FERRY3: variants seen among roughly 807,000 people sequenced by gnomAD.
FERRY3 encodes the protein protein C12orf4.
the FERRY3 span, among the ~76,000 whole-genome samples, chr12:4,529,114 C>T: frequency 6.6e-6 from 1 of 152,038 alleles, no homozygotes; most frequent in Non-Finnish European, 1.5e-5. Context: ...ATTCCTATCA[C>T]AATTTATATA....
the FERRY3 span, among the ~76,000 whole-genome samples, chr12:4,526,841 C>CAA: frequency 3.6e-5 from 4 of 109,776 alleles, no homozygotes; most frequent in Admixed American, 9.8e-5. Flanking sequence ...GACTCCATCT[C>CAA]AAAAAAAAAA....
chr12:4,500,094 G>A, the FERRY3 span: 1 of 1,535,920 alleles, frequency 6.5e-7, no homozygotes, highest in Non-Finnish European at 9.0e-7. Flanking sequence ...TCAATATTAT[G>A]ATTATGTAAA....
At chr12:4,519,019 CAAGT>C in the FERRY3 span, 1 of 507,490 alleles carries the variant, frequency 2.0e-6, no homozygotes, top group East Asian at 3.4e-5. This position sits in a 1 kb window ranked among gnomAD's most constrained non-coding sequence, Gnocchi z 4.3. Context: ...TCCATGGTGA[CAAGT>C]AAGACAGGTA....
At chr12:4,497,421 CAT>C in the FERRY3 span, among the ~76,000 whole-genome samples, 11 of 152,106 alleles carry the variant, frequency 7.2e-5, no homozygotes, top group African/African-American at 2.7e-4. Flanking sequence ...TCATCATCTG[CAT>C]ATATGTTATA....
At chr12:4,489,876 ATAAAACATTTCTTCAGAAAT>A in the FERRY3 span, 1 of 1,609,280 alleles carries the variant, frequency 6.2e-7, no homozygotes, top group Non-Finnish European at 8.5e-7. Flanking sequence ...TACTAAGTTG[ATAAAACATTTCTTCAGAAAT>A]ACTCTGTAAG....
the FERRY3 span, among the ~76,000 whole-genome samples, chr12:4,527,800 TTA>T: frequency 6.6e-6 from 1 of 152,132 alleles, no homozygotes; most frequent in African/African-American, 2.4e-5. Context: ...CAAGTATTAT[TTA>T]TATGTTTAGA....
chr12:4,529,892 C>T, the FERRY3 span: 35 of 1,588,324 alleles, frequency 2.2e-5, no homozygotes, highest in African/African-American at 4.5e-4. Context: ...TTTTCAGCTC[C>T]ACATCTCTTT....
the FERRY3 span, among the ~76,000 whole-genome samples, chr12:4,510,789 T>A: frequency 6.8e-6 from 1 of 146,240 alleles, no homozygotes; most frequent in Non-Finnish European, 1.5e-5. Context: ...CGCTGCAAAA[T>A]CATGCCAAAA....
the FERRY3 span, among the ~76,000 whole-genome samples, chr12:4,504,759 A>G: frequency 6.6e-6 from 1 of 152,202 alleles, no homozygotes; most frequent in Non-Finnish European, 1.5e-5. Context: ...CAACTTCTTG[A>G]GCAATTTTTC....
At chr12:4,512,770 C>T in the FERRY3 span, among the ~76,000 whole-genome samples, 1 of 79,358 alleles carries the variant, frequency 1.3e-5, no homozygotes, top group Admixed American at 1.4e-4. Flanking sequence ...TATGACAAAC[C>T]CACAGCCAAT....
At chr12:4,528,475 T>G in the FERRY3 span, among the ~76,000 whole-genome samples, 3 of 152,244 alleles carry the variant, frequency 2.0e-5, no homozygotes, top group East Asian at 3.9e-4. Flanking sequence ...AACCACTCAC[T>G]GCAGGTATCT....
At chr12:4,518,388 T>G in the FERRY3 span, 1 of 725,686 alleles carries the variant, frequency 1.4e-6, no homozygotes, top group Non-Finnish European at 2.2e-6. Context: ...GCCTTGCAAC[T>G]TCCCATTTTA....
chr12:4,492,055 AT>A, the FERRY3 span, among the ~76,000 whole-genome samples: 5 of 151,846 alleles, frequency 3.3e-5, no homozygotes, highest in East Asian at 1.9e-4. Flanking sequence ...CTCTAAAAAA[AT>A]TTTTTTTTAA....
chr12:4,490,154 G>GTT, the FERRY3 span, among the ~76,000 whole-genome samples: 2 of 152,128 alleles, frequency 1.3e-5, no homozygotes, highest in Non-Finnish European at 2.9e-5. Flanking sequence ...GATAACACTA[G>GTT]TGTAATCAGT....
chr12:4,520,380 G>A, the FERRY3 span, among the ~76,000 whole-genome samples: 1 of 152,142 alleles, frequency 6.6e-6, no homozygotes, highest in African/African-American at 2.4e-5. Flanking sequence ...GTGACCTTCC[G>A]GACCCCCAAC....
At chr12:4,529,726 A>T in the FERRY3 span, 1 of 675,810 alleles carries the variant, frequency 1.5e-6, no homozygotes, top group Non-Finnish European at 2.3e-6. Context: ...TACACATTTA[A>T]ACATACAAGA....
chr12:4,525,471 G>A, the FERRY3 span: 2 of 1,607,894 alleles, frequency 1.2e-6, no homozygotes, highest in Non-Finnish European at 1.7e-6. Flanking sequence ...AAAAGTCACT[G>A]TATTTCACTT....
chr12:4,505,312 A>C, the FERRY3 span: 2 of 1,592,910 alleles, frequency 1.3e-6, no homozygotes, highest in Middle Eastern at 3.3e-4. Context: ...TTACCAGGTA[A>C]AACATTTAAA....
the FERRY3 span, chr12:4,489,640 T>G: frequency 4.2e-6 from 2 of 479,514 alleles, no homozygotes; most frequent in Admixed American, 3.8e-5. Flanking sequence ...CACCAGTTTG[T>G]GCAGTATATA....
Sources: gnomAD v4.1 joint callset for allele counts (sites outside exome capture counted in the v4.1 genomes callset) on GRCh38, gnomAD v4.1.1 for gene constraint, Gnocchi (gnomAD v3.1) non-coding constraint, MANE v1.5 for transcripts, NCBI Gene and HGNC (gene_info 2026-07-23, HGNC 2026-07-21) for gene names.